WWOX: variants seen among roughly 807,000 people sequenced by gnomAD.
WWOX encodes the protein WW domain containing oxidoreductase.
Under a neutral mutation model 46.2 loss-of-function variants are expected in WWOX, and 69 were observed. The ratio of observed to expected loss-of-function variants is 1.49; its 90% CI spans 1.23 to 1.82. The LOEUF is 1.82. Ranked by LOEUF, WWOX falls within the 40% of genes most tolerant of loss-of-function variation. WWOX has a pLI of 0.00. For missense variants in WWOX, 919 were observed against 542.6 expected (o/e 1.69, Z -6.89); for synonymous variants, 359 against 202.6 (o/e 1.77, Z -6.56).
chr16:79,112,207 G>T (rs898553654), intron 8 of WWOX, among the ~76,000 whole-genome samples: 1 of 152,082 alleles, frequency 6.6e-6, no homozygotes, highest in Non-Finnish European at 1.5e-5. Context: ...TATTATACAT[G>T]CCAAACAGAC....
chr16:79,131,153 A>C (rs916212379), intron 8 of WWOX, among the ~76,000 whole-genome samples: 2 of 152,118 alleles, frequency 1.3e-5, no homozygotes, highest in African/African-American at 4.8e-5. Context: ...TTCCTTCCCA[A>C]GCAGGGATGA....
intron 8 of WWOX, among the ~76,000 whole-genome samples, chr16:78,665,001 T>C (rs901683567): frequency 6.6e-6 from 1 of 152,188 alleles, no homozygotes; most frequent in African/African-American, 2.4e-5. Context: ...AGAACTGACG[T>C]TTTCTGTGCA....
intron 8 of WWOX, among the ~76,000 whole-genome samples, chr16:78,866,746 T>A (rs369930868): frequency 6.6e-6 from 1 of 152,168 alleles, no homozygotes; most frequent in Non-Finnish European, 1.5e-5. Flanking sequence ...ATGCACTGTT[T>A]CCAGCCACGG....
intron 8 of WWOX, among the ~76,000 whole-genome samples, chr16:79,047,107 G>A (rs969213524): frequency 1.3e-5 from 2 of 152,106 alleles, no homozygotes; most frequent in Non-Finnish European, 2.9e-5. Context: ...CACCCTTCCA[G>A]CCATTCACAT....
chr16:78,447,609 A>G (rs1201136727), intron 8 of WWOX, among the ~76,000 whole-genome samples: 1 of 152,226 alleles, frequency 6.6e-6, no homozygotes, highest in Non-Finnish European at 1.5e-5. Flanking sequence ...AGGTAATGAC[A>G]ACAAAAATTA....
chr16:78,810,002 G>A (rs1030366394), intron 8 of WWOX, among the ~76,000 whole-genome samples: 1 of 152,152 alleles, frequency 6.6e-6, no homozygotes, highest in Non-Finnish European at 1.5e-5. Context: ...GAAACACCAA[G>A]AACATGGATT....
chr16:78,925,195 A>G (rs1054933339), intron 8 of WWOX, among the ~76,000 whole-genome samples: 14 of 152,270 alleles, frequency 9.2e-5, no homozygotes, highest in African/African-American at 3.4e-4. Context: ...ACCCTGACTT[A>G]AAACAAAAAC....
At chr16:78,196,333 C>G (rs1159212490) in intron 5 of WWOX, among the ~76,000 whole-genome samples, 1 of 152,056 alleles carries the variant, frequency 6.6e-6, no homozygotes, top group Non-Finnish European at 1.5e-5. Context: ...CTTTATAATT[C>G]TGCTTATCTT....
intron 8 of WWOX, among the ~76,000 whole-genome samples, chr16:78,948,060 C>G (rs1444657220): frequency 6.6e-6 from 1 of 152,190 alleles, no homozygotes; most frequent in African/African-American, 2.4e-5. Flanking sequence ...AAGAAGGCAG[C>G]CTGTGCCGTC....
chr16:79,086,405 C>G (rs1453919261), intron 8 of WWOX, among the ~76,000 whole-genome samples: 2 of 152,176 alleles, frequency 1.3e-5, no homozygotes, highest in South Asian at 2.1e-4. Context: ...TGGTATGTTT[C>G]TTGATACATT....
At chr16:78,356,047 A>G (rs114432613) in intron 5 of WWOX, among the ~76,000 whole-genome samples, 4,177 of 138,968 alleles carry the variant, frequency 0.03, 217 homozygotes, top group African/African-American at 0.1. Context: ...TCCAATAAAT[A>G]TGACCACCAA....
chr16:78,238,489 C>G (rs113558279), intron 5 of WWOX, among the ~76,000 whole-genome samples: 1 of 151,836 alleles, frequency 6.6e-6, no homozygotes, highest in Non-Finnish European at 1.5e-5. Context: ...TGTAGAGATG[C>G]GGTTTCTCTA....
At chr16:78,581,497 G>A (rs1297115719) in intron 8 of WWOX, among the ~76,000 whole-genome samples, 4 of 152,172 alleles carry the variant, frequency 2.6e-5, no homozygotes, top group Non-Finnish European at 5.9e-5. Context: ...ACCCTTTGAA[G>A]TTGTGACTGC....
At chr16:79,008,274 C>T (rs2047229420) in intron 8 of WWOX, among the ~76,000 whole-genome samples, 1 of 152,144 alleles carries the variant, frequency 6.6e-6, no homozygotes, top group Non-Finnish European at 1.5e-5. Context: ...AAGGAGGCTC[C>T]CCCATGCTCT....
intron 8 of WWOX, among the ~76,000 whole-genome samples, chr16:79,104,555 T>C (rs2049269283): frequency 6.6e-6 from 1 of 152,244 alleles, no homozygotes; most frequent in Non-Finnish European, 1.5e-5. Context: ...CATCAAATTA[T>C]GTACGGTTAA....
At chr16:78,749,988 T>G (rs1010426236) in intron 8 of WWOX, among the ~76,000 whole-genome samples, 10 of 151,746 alleles carry the variant, frequency 6.6e-5, no homozygotes, top group African/African-American at 2.4e-4. Flanking sequence ...GACTCTCAGC[T>G]CCCCCCAACA....
chr16:79,013,166 T>G (rs950964142), intron 8 of WWOX, among the ~76,000 whole-genome samples: 54 of 152,282 alleles, frequency 3.5e-4, no homozygotes, highest in African/African-American at 1.2e-3. Flanking sequence ...AAGCTGCCAC[T>G]TGCCGCCCAC....
chr16:78,189,650 A>T (rs1455853730), intron 5 of WWOX, among the ~76,000 whole-genome samples: 3 of 152,068 alleles, frequency 2.0e-5, no homozygotes, highest in Non-Finnish European at 4.4e-5. Context: ...TATTTTATTT[A>T]ATTAATTAAC....
chr16:79,096,660 C>G (rs927611655), intron 8 of WWOX, among the ~76,000 whole-genome samples: 1 of 152,180 alleles, frequency 6.6e-6, no homozygotes, highest in Non-Finnish European at 1.5e-5. Flanking sequence ...TGCCATCAAT[C>G]CAAGCACAAT....
Sources: allele counts gnomAD v4.1 joint callset (sites outside exome capture counted in the v4.1 genomes callset), GRCh38; gene constraint gnomAD v4.1.1; transcripts MANE v1.5; gene names NCBI Gene and HGNC (gene_info 2026-07-23, HGNC 2026-07-21).